The following ROBO2 variants were observed in gnomAD, a reference collection of about 807,000 sequenced individuals.
ROBO2 encodes the protein roundabout homolog 2.
ROBO2 carries 53 observed loss-of-function variants against 160.8 expected under a neutral mutation model. The ratio of observed to expected loss-of-function variants is 0.33; its 90% CI spans 0.26 to 0.41. The LOEUF (loss-of-function observed/expected upper bound fraction) is 0.41, where lower values mean the gene tolerates loss of function less well. Among genes scored for constraint, ROBO2 ranks in the 10% least tolerant of loss-of-function variants. ROBO2 has a pLI of 1.00. For missense variants in ROBO2, 1,577 were observed against 1,722.4 expected (o/e 0.92, Z 1.49); for synonymous variants, 664 against 611.7 (o/e 1.09, Z -1.26).
chr3:76,035,623 T>A (rs1386604032), intron 2 of ROBO2, among the ~76,000 whole-genome samples: 1 of 152,082 alleles, frequency 6.6e-6, no homozygotes, highest in Non-Finnish European at 1.5e-5. Context: ...ATGTGCTTGC[T>A]TTCCAAGGCA....
intron 2 of ROBO2, among the ~76,000 whole-genome samples, chr3:77,034,756 T>C (rs967147293): frequency 1.3e-5 from 2 of 151,988 alleles, no homozygotes; most frequent in Non-Finnish European, 2.9e-5. Flanking sequence ...CAAAAAATTC[T>C]GTTTTGGATT....
intron 2 of ROBO2, among the ~76,000 whole-genome samples, chr3:76,058,711 C>A (rs572783411): frequency 2.4e-3 from 340 of 141,188 alleles, no homozygotes; most frequent in Non-Finnish European, 3.8e-3. Context: ...AGGTTTGTTA[C>A]ATATGTATAC....
chr3:77,543,575 T>C (rs984536156), intron 6 of ROBO2, among the ~76,000 whole-genome samples: 2 of 152,220 alleles, frequency 1.3e-5, no homozygotes, highest in African/African-American at 4.8e-5. Flanking sequence ...ATTAAATTCT[T>C]GGAAGTCTGT....
chr3:76,936,495 A>G (rs938295844), intron 2 of ROBO2, among the ~76,000 whole-genome samples: 2 of 152,062 alleles, frequency 1.3e-5, no homozygotes. Context: ...AAGGGTGGAC[A>G]GCGTTGCTCC....
chr3:76,455,660 G>A (rs2109328689), intron 2 of ROBO2, among the ~76,000 whole-genome samples: 1 of 152,158 alleles, frequency 6.6e-6, no homozygotes, highest in Admixed American at 6.5e-5. Flanking sequence ...CCTATAAGGA[G>A]ATTTAAAATT....
intron 2 of ROBO2, among the ~76,000 whole-genome samples, chr3:77,278,135 T>A (rs547566294): frequency 6.6e-6 from 1 of 152,246 alleles, no homozygotes; most frequent in East Asian, 1.9e-4. Context: ...AAAGAGAGAA[T>A]TTATATTTTG....
chr3:77,403,263 GTACAA>G (rs1416699132), intron 2 of ROBO2, among the ~76,000 whole-genome samples: 2 of 152,132 alleles, frequency 1.3e-5, no homozygotes, highest in Non-Finnish European at 2.9e-5. Flanking sequence ...ATGTTCAAGT[GTACAA>G]TACATTAACT....
intron 2 of ROBO2, among the ~76,000 whole-genome samples, chr3:77,032,529 T>C (rs923559974): frequency 1.2e-4 from 18 of 152,168 alleles, no homozygotes; most frequent in Admixed American, 5.2e-4. Flanking sequence ...AAGAAGTATA[T>C]TGCAACATAA....
intron 2 of ROBO2, among the ~76,000 whole-genome samples, chr3:77,437,892 C>T (rs754423539): frequency 2.6e-5 from 4 of 151,996 alleles, no homozygotes; most frequent in South Asian, 4.2e-4. Flanking sequence ...TTATATCAGT[C>T]GGTATGCCAC....
chr3:77,433,762 A>G (rs895263066), intron 2 of ROBO2, among the ~76,000 whole-genome samples: 3 of 151,812 alleles, frequency 2.0e-5, no homozygotes, highest in South Asian at 4.1e-4. Flanking sequence ...TGGTCTTTCT[A>G]TCTGACTCTT....
chr3:76,169,804 C>T (rs1185547450), intron 2 of ROBO2, among the ~76,000 whole-genome samples: 2 of 151,930 alleles, frequency 1.3e-5, no homozygotes, highest in African/African-American at 2.4e-5. Context: ...TTTTTTGAGA[C>T]GGAGCCTCAC....
In ROBO2 at chr3:76,635,328, G is replaced by A. The variant is rs1258814238; in HGVS notation, c.110-462686G>A. 2.6e-5 allele frequency among the ~76,000 whole-genome samples: 4 copies of A among 152,184 alleles called. No individual in the cohort carries two copies. The East Asian group carries it at 7.7e-4, about 29-fold the overall frequency. ...CATAGATAAGGCTTTTTTGCCTAAG[G>A]TAGCTAGAGATTTTGTTGCATAAAA... On this transcript the variant is annotated intron_variant, in intron 2 of 26. Transcript: ENST00000487694.
chr3:76,641,166 G>C (rs2090656638), intron 2 of ROBO2, among the ~76,000 whole-genome samples: 1 of 152,030 alleles, frequency 6.6e-6, no homozygotes, highest in South Asian at 2.1e-4. Context: ...AAGAGAAACA[G>C]GATACAGGCA....
chr3:76,954,088 A>C (rs764893497), intron 2 of ROBO2, among the ~76,000 whole-genome samples: 1 of 152,240 alleles, frequency 6.6e-6, no homozygotes, highest in Non-Finnish European at 1.5e-5. Flanking sequence ...TGATTCGTTT[A>C]TTTATTCACC....
chr3:76,925,922 C>G (rs775850883), intron 2 of ROBO2, among the ~76,000 whole-genome samples: 1 of 152,172 alleles, frequency 6.6e-6, no homozygotes, highest in Non-Finnish European at 1.5e-5. Context: ...AAAGATTAAA[C>G]TGTGCTTCCA....
chr3:77,356,500 T>C (rs1349486554), intron 2 of ROBO2, among the ~76,000 whole-genome samples: 1 of 152,206 alleles, frequency 6.6e-6, no homozygotes, highest in East Asian at 1.9e-4. Context: ...GGGTTGGGTA[T>C]GTAGACGAAA....
intron 2 of ROBO2, among the ~76,000 whole-genome samples, chr3:76,457,507 C>A (rs145790746): frequency 6.6e-6 from 1 of 152,264 alleles, no homozygotes; most frequent in African/African-American, 2.4e-5. Context: ...CATGGACTGA[C>A]ATCGAGTGTC....
At chr3:77,552,399 A>T (rs2092952113) in intron 8 of ROBO2, among the ~76,000 whole-genome samples, 1 of 152,006 alleles carries the variant, frequency 6.6e-6, no homozygotes, top group Admixed American at 6.6e-5. Flanking sequence ...TGGGAAGCAA[A>T]GTTGATGAAC....
At chr3:77,492,508 G>A (rs2086252747) in intron 4 of ROBO2, among the ~76,000 whole-genome samples, 1 of 151,724 alleles carries the variant, frequency 6.6e-6, no homozygotes, top group South Asian at 2.1e-4. Flanking sequence ...GATGAAAACA[G>A]TAAAACAGAT....
Sources: gnomAD v4.1 joint callset for allele counts (sites outside exome capture counted in the v4.1 genomes callset) on GRCh38, gnomAD v4.1.1 for gene constraint, MANE v1.5 for transcripts, NCBI Gene and HGNC (gene_info 2026-07-23, HGNC 2026-07-21) for gene names.